Variants in WARS1 observed in about 807,000 individuals in gnomAD.
WARS1 encodes the protein tryptophanyl-tRNA synthetase 1, also known as tryptophan--tRNA ligase, cytoplasmic.
Under a neutral mutation model 47.8 loss-of-function variants are expected in WARS1, and 17 were observed. That is an observed-to-expected ratio of 0.36 (90% CI 0.24 to 0.53). The LOEUF is 0.53. WARS1 is among the 20% of genes least tolerant of loss of function. WARS1 has a pLI of 0.91. For missense variants in WARS1, 434 were observed against 608.0 expected (o/e 0.71, Z 3.01); for synonymous variants, 208 against 228.1 (o/e 0.91, Z 0.79).
intron 6 of WARS1, among the ~76,000 whole-genome samples, chr14:100,350,789 C>T (rs371109776): frequency 6.6e-6 from 1 of 152,110 alleles, no homozygotes; most frequent in Non-Finnish European, 1.5e-5. Flanking sequence ...CCACACTGTA[C>T]CAGATGTGGC....
Position 100,342,632 on chromosome 14 carries a change from G to A in WARS1, c.940-61C>T, listed in dbSNP as rs547488970. 7.3e-6 allele frequency: 11 copies of A among 1,502,740 alleles called. No homozygotes were observed. In the East Asian group the frequency reaches 2.1e-4, roughly 28 times the overall value. The allele number at this position is 1,502,740 out of a possible 1,614,324, so 93.1% of individuals were successfully genotyped here. On this transcript the variant is annotated intron_variant, in intron 8 of 10. Transcript: ENST00000392882. ...AGAAAACATGCCAGCTTTCAGCCATGAGCAGTCCCTGTGAGCATCTTCCCA... is the reference window on the plus strand; with the variant it reads ...AGAAAACATGCCAGCTTTCAGCCATAAGCAGTCCCTGTGAGCATCTTCCCA...
In WARS1 at chr14:100,363,521, C is replaced by T. The variant is rs141846739; in HGVS notation, c.100-1600G>A. Among the ~76,000 whole-genome samples, 139 of 152,172 alleles carry T rather than the reference C, an allele frequency of 9.1e-4. 1 individual carries two copies. The highest frequency in any genetic ancestry group is 3.3e-3 in the African/African-American group (139 of 41,540). ...GACCACCCTAGGCAACATGGCAAAA[C>T]CCTGTCTCTACCAAAAATAGAAAAA... is the stretch of plus-strand genomic sequence containing the variant. On this transcript the variant is annotated intron_variant, in intron 2 of 10. Coordinates refer to ENST00000392882, the MANE Select transcript of WARS1 (RefSeq NM_004184.4).
chr14:100,346,294 C>T (rs1799831173), intron 7 of WARS1, among the ~76,000 whole-genome samples: 1 of 152,152 alleles, frequency 6.6e-6, no homozygotes, highest in Non-Finnish European at 1.5e-5. Flanking sequence ...GTGTCAAGCC[C>T]CTCATCTTAC....
Position 100,360,746 on chromosome 14 carries a change from G to A in WARS1, c.314-84C>T, listed in dbSNP as rs1418749532. ...ACTGAAATGAAGATGAAAAGTGAGT[G>A]ATCCATGCACAATCTTAATGAACAC... On this transcript the variant is annotated intron_variant, in intron 3 of 10. Coordinates refer to ENST00000392882, the MANE Select transcript of WARS1 (RefSeq NM_004184.4). 4 of 1,016,046 alleles carry A rather than the reference G, an allele frequency of 3.9e-6. No homozygotes were observed. The East Asian group carries it at 1.0e-4, about 25-fold the overall frequency. 62.9% of individuals were successfully genotyped at this position (1,016,046 alleles called of 1,614,324 possible). A position where few individuals can be genotyped will look rare whatever the true frequency, so the allele number is the denominator to read the frequency against.
At chr14:100,349,898 T>C (rs1182858218) in intron 6 of WARS1, among the ~76,000 whole-genome samples, 1 of 152,220 alleles carries the variant, frequency 6.6e-6, no homozygotes, top group Admixed American at 6.5e-5. Flanking sequence ...AAGATATAGA[T>C]TTTGAGTTAA....
intron 7 of WARS1, 67 bp from the exon 8 acceptor site, chr14:100,343,454 T>G: frequency 8.2e-7 from 1 of 1,221,306 alleles, no homozygotes; most frequent in Non-Finnish European, 1.1e-6. Context: ...AATAAAGGAA[T>G]GAACAAAAAC....
intron 1 of WARS1, among the ~76,000 whole-genome samples, chr14:100,369,845 G>T (rs1896234898): frequency 6.6e-6 from 1 of 151,992 alleles, no homozygotes; most frequent in African/African-American, 2.4e-5. Context: ...TGTATTTTTA[G>T]TAGAGGGAGG....
chr14:100,356,732 C>CA (rs1430510656), intron 4 of WARS1, among the ~76,000 whole-genome samples: 2 of 152,034 alleles, frequency 1.3e-5, no homozygotes, highest in African/African-American at 4.8e-5. Context: ...GAATTAATAC[C>CA]AATCCTTCCC....
At chr14:100,358,143 A>AT (rs998890968) in intron 4 of WARS1, among the ~76,000 whole-genome samples, 2 of 151,164 alleles carry the variant, frequency 1.3e-5, no homozygotes, top group African/African-American at 2.4e-5. Context: ...ACATTTTCTT[A>AT]TTTTTTTTTG....
At chr14:100,346,086 G>C (rs1013454725) in intron 7 of WARS1, among the ~76,000 whole-genome samples, 1 of 152,226 alleles carries the variant, frequency 6.6e-6, no homozygotes, top group Admixed American at 6.5e-5. Flanking sequence ...AGTAGAGGAG[G>C]GGATCAGAAG....
chr14:100,349,232 C>G (rs1449462379), intron 6 of WARS1, among the ~76,000 whole-genome samples: 1 of 152,220 alleles, frequency 6.6e-6, no homozygotes, highest in Non-Finnish European at 1.5e-5. Context: ...CTATCATCTC[C>G]TGACCACAGT....
In WARS1 at chr14:100,354,503, C is replaced by A. The variant is rs376193322; in HGVS notation, c.486G>T (p.Arg162=). Residue 162 remains arginine, a synonymous_variant, in exon 5 of 11, where the codon CGG becomes CGT. Coordinates refer to ENST00000392882, the MANE Select transcript of WARS1 (RefSeq NM_004184.4). ...CATGCATTGCTTCAGAAGAGGGGCCCCGGCCCGTGTACAGATAAAATGGCT... is the reference window on the plus strand; with the variant it reads ...CATGCATTGCTTCAGAAGAGGGGCCACGGCCCGTGTACAGATAAAATGGCT... ...NKKPFYLYTG[R]GPSSEAMHVG... The A allele has an allele frequency of 5.0e-6, 8 of 1,614,018 alleles. No homozygotes were observed. In the African/African-American group the frequency reaches 1.1e-4, roughly 22 times the overall value.
chr14:100,365,157 A>G (rs950498059), intron 2 of WARS1, among the ~76,000 whole-genome samples: 1 of 151,886 alleles, frequency 6.6e-6, no homozygotes, highest in African/African-American at 2.4e-5. Context: ...ACACACACAC[A>G]CACACAAATA....
At chr14:100,355,897 A>G (rs568036705) in intron 4 of WARS1, among the ~76,000 whole-genome samples, 3 of 152,346 alleles carry the variant, frequency 2.0e-5, no homozygotes, top group Non-Finnish European at 4.4e-5. Flanking sequence ...ACAACTAACC[A>G]TATGGGCTTA....
intron 2 of WARS1, chr14:100,366,103 G>A (rs1895974325): frequency 2.2e-6 from 1 of 455,908 alleles, no homozygotes; most frequent in African/African-American, 2.0e-5. Context: ...AGAGGACAGA[G>A]TTACAGGTGC....
At chr14:100,354,791 T>A (rs1195723062) in intron 4 of WARS1, among the ~76,000 whole-genome samples, 1 of 152,206 alleles carries the variant, frequency 6.6e-6, no homozygotes, top group Non-Finnish European at 1.5e-5. Context: ...TTTGGAATAA[T>A]GTGTTTAAAA....
At chr14:100,348,011 G>A (rs1894738222) in intron 6 of WARS1, among the ~76,000 whole-genome samples, 2 of 152,224 alleles carry the variant, frequency 1.3e-5, no homozygotes, top group African/African-American at 2.4e-5. Flanking sequence ...TGTGGCAGGA[G>A]CTGTGCTAGA....
In WARS1 at chr14:100,371,447, C is replaced by CAA. The variant is rs60977618; in HGVS notation, c.-73-2191_-73-2190dup. Among the ~76,000 whole-genome samples the CAA allele has an allele frequency of 8.7e-4, 78 of 89,146 alleles. 5 individuals are homozygous for CAA. The highest frequency in any genetic ancestry group is 4.5e-3 in the South Asian group (6 of 1,340). 58.5% of individuals were successfully genotyped at this position (89,146 alleles called of 152,430 possible). A position where few individuals can be genotyped will look rare whatever the true frequency, so the allele number is the denominator to read the frequency against. On this transcript the variant is annotated intron_variant, in intron 1 of 10. Transcript: ENST00000392882. Reference sequence around the variant, plus strand: ...CCTGGGTGACAGAAAGGTTCTGTCTCAAAAAAAAAAAAAAAAAAAAGTAGG... The same window carrying CAA: ...CCTGGGTGACAGAAAGGTTCTGTCTCAAAAAAAAAAAAAAAAAAAAAAGTAGG...
In WARS1 at chr14:100,356,134, C is replaced by T. The variant is rs1895296367; in HGVS notation, c.423-1568G>A. 5.9e-5 allele frequency among the ~76,000 whole-genome samples: 9 copies of T among 152,294 alleles called. 1 individual carries two copies. In the South Asian group the frequency reaches 1.9e-3, roughly 32 times the overall value. ...TACCTGCCCACCACTTGAAGCTTGA[C>T]TGTGCATAGTAGATCTCATTTAATC... On this transcript the variant is annotated intron_variant, in intron 4 of 10. Transcript: ENST00000392882.
Sources: allele counts gnomAD v4.1 joint callset (sites outside exome capture counted in the v4.1 genomes callset), GRCh38; gene constraint gnomAD v4.1.1; transcripts MANE v1.5; gene names NCBI Gene and HGNC (gene_info 2026-07-23, HGNC 2026-07-21).